NAMPT: variants seen among roughly 807,000 people sequenced by gnomAD.
NAMPT encodes the protein nicotinamide phosphoribosyltransferase.
A neutral mutation model predicts 58.7 loss-of-function variants in NAMPT; 7 were observed. That is an observed-to-expected ratio of 0.12 (90% CI 0.07 to 0.22). The LOEUF (loss-of-function observed/expected upper bound fraction) is 0.22. Ranked by LOEUF, NAMPT falls within the 10% of genes least tolerant of loss-of-function variation. The pLI is 1.00. For synonymous variants in NAMPT, 145 were observed against 198.1 expected, an observed-to-expected ratio of 0.73 and a Z score of 2.25; for missense variants, 271 against 567.9, an observed-to-expected ratio of 0.48 and a Z score of 5.31.
At chr7:106,282,130 G>C (rs572405329) in intron 1 of NAMPT, among the ~76,000 whole-genome samples, 3 of 152,012 alleles carry the variant, frequency 2.0e-5, no homozygotes, top group African/African-American at 7.2e-5. Context: ...AGGAGCCACC[G>C]TGACAATACC....
intron 1 of NAMPT, among the ~76,000 whole-genome samples, chr7:106,282,141 G>GA (rs1446055270): frequency 1.3e-5 from 2 of 151,706 alleles, no homozygotes; most frequent in African/African-American, 4.8e-5. Context: ...TGACAATACC[G>GA]AAGCATCCGC....
chr7:106,278,153 G>C (rs1443483216), intron 1 of NAMPT, among the ~76,000 whole-genome samples: 1 of 152,066 alleles, frequency 6.6e-6, no homozygotes. Flanking sequence ...TTGATCTCAA[G>C]TTCAGGAAAG....
intron 6 of NAMPT, among the ~76,000 whole-genome samples, chr7:106,267,839 T>TCAAAAAAAAAAA (rs1792447437): frequency 3.1e-5 from 1 of 32,648 alleles, no homozygotes; most frequent in African/African-American, 1.9e-4. Flanking sequence ...AGACTCCGTC[T>TCAAAAAAAAAAA]CAAAAAAAAA....
intron 1 of NAMPT, among the ~76,000 whole-genome samples, chr7:106,282,009 A>G (rs999933286): frequency 2.0e-5 from 3 of 152,126 alleles, no homozygotes; most frequent in Non-Finnish European, 4.4e-5. Flanking sequence ...ACAAAACATA[A>G]TGGAAAAATT....
At chr7:106,268,199 GA>G (rs1217291714) in intron 6 of NAMPT, 11 of 270,200 alleles carry the variant, frequency 4.1e-5, no homozygotes, top group South Asian at 6.4e-5. Flanking sequence ...TACAGTAATT[GA>G]AAAAAAATTC....
At chr7:106,260,201 A>T (rs910735747) in intron 8 of NAMPT, among the ~76,000 whole-genome samples, 1 of 152,214 alleles carries the variant, frequency 6.6e-6, no homozygotes, top group Admixed American at 6.5e-5. Context: ...CTCTACACTG[A>T]CAATCTGTTT....
At chr7:106,279,246 CG>C (rs1562819478) in intron 1 of NAMPT, among the ~76,000 whole-genome samples, 1 of 152,136 alleles carries the variant, frequency 6.6e-6, no homozygotes, top group Non-Finnish European at 1.5e-5. Context: ...TAATTAGAAA[CG>C]AAGTATGAAC....
Position 106,253,169 on chromosome 7 carries a change from A to T in NAMPT, c.1231-18T>A. The T allele has an allele frequency of 6.2e-7, 1 of 1,609,422 alleles. No homozygotes were observed. Among genetic ancestry groups the T allele is most frequent in the Non-Finnish European group, 8.5e-7 (1 of 1,177,980 alleles). ...ACGTTAATCTGAAATCCAAATTAAG[A>T]AAGTTAGACAAGTAGAAGACTAATC... On this transcript the variant is annotated intron_variant, in intron 9 of 10. Coordinates refer to ENST00000222553, the MANE Select transcript of NAMPT (RefSeq NM_005746.3).
chr7:106,255,425 AAGTGT>A (rs1271715889), intron 8 of NAMPT, among the ~76,000 whole-genome samples: 2 of 152,216 alleles, frequency 1.3e-5, no homozygotes, highest in Non-Finnish European at 2.9e-5. Flanking sequence ...AGAAAATCAT[AAGTGT>A]AACAGCCTTA....
At chr7:106,270,175 G>C (rs1049432856) in intron 4 of NAMPT, 1 of 241,232 alleles carries the variant, frequency 4.1e-6, no homozygotes, top group Non-Finnish European at 9.6e-6. Flanking sequence ...AGAAAAGTCT[G>C]TCTAATCACA....
chr7:106,270,195 A>G (rs539575688), intron 4 of NAMPT: 125 of 316,408 alleles, frequency 4.0e-4, no homozygotes, highest in Admixed American at 7.6e-4. Flanking sequence ...AGCAACCGTA[A>G]TAATTATCAT....
At chr7:106,253,260 A>G (rs1290081156) in intron 9 of NAMPT, 109 bp from the exon 10 acceptor site, 1 of 1,181,454 alleles carries the variant, frequency 8.5e-7, no homozygotes, top group Non-Finnish European at 1.2e-6. Context: ...AGTTTTAAGC[A>G]CTTAATAGGT....
rs780995652 is a variant in NAMPT at position 106,261,571 on chromosome 7, T to C, written c.1089+17A>G. 1.3e-6 allele frequency: 2 copies of C among 1,505,492 alleles called. No homozygotes were observed. Among genetic ancestry groups the C allele is most frequent in the South Asian group, 2.4e-5 (2 of 82,130 alleles). 93.3% of individuals were successfully genotyped at this position (1,505,492 alleles called of 1,614,324 possible). A position where few individuals can be genotyped will look rare whatever the true frequency, so the allele number is the denominator to read the frequency against. ...ATAAGAAATGCCTTATTGAAACTTT[T>C]AATATAAAACACATACCTCTTGTAA... On this transcript the variant is annotated intron_variant, in intron 8 of 10. Coordinates refer to ENST00000222553, the MANE Select transcript of NAMPT (RefSeq NM_005746.3).
At chr7:106,279,642 A>G (rs908463012) in intron 1 of NAMPT, among the ~76,000 whole-genome samples, 3 of 152,246 alleles carry the variant, frequency 2.0e-5, no homozygotes, top group Admixed American at 6.5e-5. Context: ...GTTATTTTAT[A>G]AATACTTCAT....
chr7:106,260,247 G>A (rs553450187), intron 8 of NAMPT, among the ~76,000 whole-genome samples: 58 of 152,306 alleles, frequency 3.8e-4, no homozygotes, highest in African/African-American at 1.3e-3. Flanking sequence ...TAGATCTTCT[G>A]GGTAACTTGC....
chr7:106,282,522 T>C (rs1049120290), intron 1 of NAMPT, among the ~76,000 whole-genome samples: 2 of 152,214 alleles, frequency 1.3e-5, no homozygotes, highest in African/African-American at 4.8e-5. Context: ...AGAACCACGA[T>C]GAAAATAGAG....
chr7:106,265,567 T>TAAAAAAA lies in NAMPT; in HGVS notation c.744-1957_744-1951dup, dbSNP rs35685666. The stretch of plus-strand genomic sequence containing the variant: ...ACCTTGTGTGAAACACTCAAAAGCT[T>TAAAAAAA]AAAAAAAAAAAAAAAAAAAAAGTCC... On this transcript the variant is annotated intron_variant, in intron 6 of 10. Coordinates refer to ENST00000222553, the MANE Select transcript of NAMPT (RefSeq NM_005746.3). 3.2e-3 allele frequency among the ~76,000 whole-genome samples: 372 copies of TAAAAAAA among 116,378 alleles called. 4 individuals are homozygous for TAAAAAAA. Among genetic ancestry groups the TAAAAAAA allele is most frequent in the African/African-American group, 0.012 (353 of 30,234 alleles). The allele number at this position is 116,378 out of a possible 152,430, so 76.3% of individuals were successfully genotyped here.
In NAMPT at chr7:106,256,361, G is replaced by C. The variant is rs149298604; in HGVS notation, c.1090-1857C>G. Reference sequence around the variant, plus strand: ...CTCATGGGAATTCACAGGGGTGACAGGCTGAATAGCAAAGTCCAAGAGTGA... The same window carrying C: ...CTCATGGGAATTCACAGGGGTGACACGCTGAATAGCAAAGTCCAAGAGTGA... On this transcript the variant is annotated intron_variant, in intron 8 of 10. Coordinates refer to ENST00000222553, the MANE Select transcript of NAMPT (RefSeq NM_005746.3). 2.8e-3 allele frequency among the ~76,000 whole-genome samples: 425 copies of C among 152,350 alleles called. 3 individuals carry two copies. The highest frequency in any genetic ancestry group is 9.8e-3 in the African/African-American group (409 of 41,576).
intron 6 of NAMPT, 144 bp from the exon 7 acceptor site, chr7:106,263,761 C>T (rs994618766): frequency 9.2e-5 from 63 of 687,092 alleles, no homozygotes; most frequent in African/African-American, 6.9e-4. Context: ...GAATATACAT[C>T]GTAAGGCAAA....
Sources: gnomAD v4.1 joint callset for allele counts (sites outside exome capture counted in the v4.1 genomes callset) on GRCh38, gnomAD v4.1.1 for gene constraint, MANE v1.5 for transcripts, NCBI Gene and HGNC (gene_info 2026-07-23, HGNC 2026-07-21) for gene names.